SLC8A1: variants seen among roughly 807,000 people sequenced by gnomAD.
SLC8A1 encodes the protein solute carrier family 8 member A1, also known as sodium/calcium exchanger 1.
SLC8A1 carries 18 observed loss-of-function variants against 68.3 expected under a neutral mutation model. That is an observed-to-expected ratio of 0.26 (90% confidence interval 0.18 to 0.39). The LOEUF (loss-of-function observed/expected upper bound fraction) is 0.39, where lower values mean the gene tolerates loss of function less well. Ranked by LOEUF, SLC8A1 falls within the 10% of genes least tolerant of loss-of-function variation. The probability of loss-of-function intolerance (pLI) is 1.00; values close to 1 mark genes in which losing one functional copy is unlikely to be tolerated. For missense variants in SLC8A1, 985 were observed against 1,156.7 expected, an observed-to-expected ratio of 0.85 and a Z score of 2.15; for synonymous variants, 475 against 415.5, an observed-to-expected ratio of 1.14 and a Z score of -1.74.
intron 2 of SLC8A1, among the ~76,000 whole-genome samples, chr2:40,260,202 CA>C (rs1434599250): frequency 1.3e-5 from 2 of 152,118 alleles, no homozygotes; most frequent in Non-Finnish European, 2.9e-5. Flanking sequence ...TTATAATAGA[CA>C]AATGTGAATT....
chr2:40,110,179 G>T (rs1437347761), exon 8 of SLC8A1: 1 of 152,168 alleles, frequency 6.6e-6, no homozygotes, highest in Non-Finnish European at 1.5e-5. Context: ...CCTCTCAGTG[G>T]TTGCTCCTTT....
At chr2:40,430,246 G>C (rs142661656) in exon 2 of SLC8A1, 4 of 1,613,134 alleles carry the variant, frequency 2.5e-6, no homozygotes, top group Middle Eastern at 1.6e-4. Flanking sequence ...CATTGAAAAG[G>C]TGGGTGAAAG....
chr2:40,450,387 T>G (rs1702222856), intron 1 of SLC8A1, among the ~76,000 whole-genome samples: 1 of 151,506 alleles, frequency 6.6e-6, no homozygotes, highest in South Asian at 2.1e-4. Flanking sequence ...CGCGCGCTGG[T>G]GGGGGCATGG....
At chr2:40,486,130 C>G (rs1239098382) in intron 1 of SLC8A1, among the ~76,000 whole-genome samples, 1 of 152,144 alleles carries the variant, frequency 6.6e-6, no homozygotes, top group African/African-American at 2.4e-5. Flanking sequence ...GCTTTCCCCC[C>G]TTTGCTCAGC....
intron 3 of SLC8A1, 130 bp from the exon 4 acceptor site, chr2:40,175,411 G>A (rs2048295396): frequency 3.8e-6 from 3 of 798,378 alleles, no homozygotes; most frequent in Non-Finnish European, 6.2e-6. Flanking sequence ...GCTAAAAATG[G>A]GTATACCCCA....
chr2:40,512,134 T>C (rs1243540441), intron 1 of SLC8A1, among the ~76,000 whole-genome samples: 1 of 152,184 alleles, frequency 6.6e-6, no homozygotes, highest in African/African-American at 2.4e-5. Flanking sequence ...CAAATCTGTG[T>C]TGCCACTTTC....
chr2:40,197,882 G>A (rs2053382614), intron 2 of SLC8A1, among the ~76,000 whole-genome samples: 1 of 152,098 alleles, frequency 6.6e-6, no homozygotes, highest in African/African-American at 2.4e-5. Flanking sequence ...TATTGACAAA[G>A]CTCCAGGGAA....
intron 2 of SLC8A1, among the ~76,000 whole-genome samples, chr2:40,420,597 A>G (rs1036249775): frequency 6.6e-6 from 1 of 152,226 alleles, no homozygotes; most frequent in African/African-American, 2.4e-5. Flanking sequence ...GGACTAAAAC[A>G]TTAAGCATTC....
chr2:40,363,478 G>C (rs943801936), intron 2 of SLC8A1, among the ~76,000 whole-genome samples: 3 of 152,050 alleles, frequency 2.0e-5, no homozygotes, highest in African/African-American at 4.8e-5. Flanking sequence ...GTGAAGATTA[G>C]AGATGATCAA....
At chr2:40,300,509 T>C (rs1225559320) in intron 2 of SLC8A1, among the ~76,000 whole-genome samples, 1 of 152,210 alleles carries the variant, frequency 6.6e-6, no homozygotes, top group Non-Finnish European at 1.5e-5. Flanking sequence ...AACAAAGTAT[T>C]GTTTCGTGCC....
At chr2:40,279,465 G>A (rs1285753322) in intron 2 of SLC8A1, among the ~76,000 whole-genome samples, 3 of 152,208 alleles carry the variant, frequency 2.0e-5, no homozygotes, top group Non-Finnish European at 4.4e-5. Flanking sequence ...ATAAGGAGAA[G>A]TGATTAGAAT....
chr2:40,503,135 C>A (rs954108805), intron 1 of SLC8A1, among the ~76,000 whole-genome samples: 1 of 151,916 alleles, frequency 6.6e-6, no homozygotes, highest in African/African-American at 2.4e-5. Flanking sequence ...TGATATACCT[C>A]AATAAAGAGT....
chr2:40,427,183 T>C (rs1697095022), intron 2 of SLC8A1, among the ~76,000 whole-genome samples: 1 of 152,038 alleles, frequency 6.6e-6, no homozygotes, highest in Admixed American at 6.6e-5. Flanking sequence ...ACACTACTTA[T>C]CACTATAGTA....
chr2:40,201,975 G>A (rs758637181), intron 2 of SLC8A1, among the ~76,000 whole-genome samples: 1 of 151,938 alleles, frequency 6.6e-6, no homozygotes, highest in African/African-American at 2.4e-5. Flanking sequence ...TTGAACATTA[G>A]ATATATAAAA....
intron 2 of SLC8A1, among the ~76,000 whole-genome samples, chr2:40,386,658 T>C (rs1683652671): frequency 6.7e-6 from 1 of 150,232 alleles, no homozygotes; most frequent in Non-Finnish European, 1.5e-5. Context: ...GCAGTTAAGT[T>C]TCCAAGTATA....
rs541213303 is a variant in SLC8A1 at position 40,511,827 on chromosome 2, T to C, written c.-25+522A>G. On this transcript the variant is annotated intron_variant, in intron 1 of 7. Transcript: ENST00000402441. ...ATCTTTGAACAGGATGTAATCAACC[T>C]CCGAACTGCTGAGAAATATTGCAAA... Among the ~76,000 whole-genome samples, 35 of 152,224 alleles carry C rather than the reference T, an allele frequency of 2.3e-4. No homozygotes were observed. In the South Asian group the frequency reaches 7.0e-3, roughly 31 times the overall value.
At chr2:40,391,203 T>TATATATACACACACAC (rs1307599647) in intron 2 of SLC8A1, among the ~76,000 whole-genome samples, 8 of 151,710 alleles carry the variant, frequency 5.3e-5, no homozygotes, top group African/African-American at 1.7e-4. Context: ...CACACACACA[T>TATATATACACACACAC]ATGTCTGTGT....
At chr2:40,495,465 A>T (rs1326598306) in intron 1 of SLC8A1, among the ~76,000 whole-genome samples, 17 of 152,000 alleles carry the variant, frequency 1.1e-4, no homozygotes, top group Non-Finnish European at 1.5e-5. Context: ...ATGCCTCCTT[A>T]TGTTTTCATC....
chr2:40,271,557 A>G (rs765168524), intron 2 of SLC8A1, among the ~76,000 whole-genome samples: 4 of 152,002 alleles, frequency 2.6e-5, no homozygotes, highest in Non-Finnish European at 4.4e-5. Context: ...TTATACATTG[A>G]TTTGTTTGCC....
Sources: gnomAD v4.1 joint callset for allele counts (sites outside exome capture counted in the v4.1 genomes callset) on GRCh38, gnomAD v4.1.1 for gene constraint, MANE v1.5 for transcripts, NCBI Gene and HGNC (gene_info 2026-07-23, HGNC 2026-07-21) for gene names.